The following NUP214 variants were observed in gnomAD, a reference collection of about 807,000 sequenced individuals.
The protein encoded by NUP214 is nucleoporin 214.
A neutral mutation model predicts 196.2 loss-of-function variants in NUP214; 79 were observed. The observed-to-expected ratio is 0.40, with a 90% CI of 0.34 to 0.49. NUP214 has a LOEUF of 0.49. Among genes scored for constraint, NUP214 ranks in the 20% least tolerant of loss-of-function variants. The pLI, the probability that NUP214 is intolerant of heterozygous loss-of-function variation, is 0.58. For missense variants in NUP214, 2,468 were observed against 2,539.0 expected, an observed-to-expected ratio of 0.97 and a Z score of 0.60; for synonymous variants, 1,020 against 990.5, an observed-to-expected ratio of 1.03 and a Z score of -0.56.
rs1254557169 is a variant in NUP214, at chr9:131,147,504, G to T, written c.1960G>T (p.Gly654Cys). 1 of 1,613,766 alleles carries T rather than the reference G, an allele frequency of 6.2e-7. No individual in the cohort carries two copies. Among genetic ancestry groups the T allele is most frequent in the East Asian group, 2.2e-5 (1 of 44,880 alleles). The change falls in exon 14 of 36, where the codon GGC (glycine) becomes TGC (cysteine). Residue 654 changes from glycine (G) to cysteine (C), a missense_variant. Gly to Cys is a radical substitution (Grantham distance 159, BLOSUM62 -3). This residue lies in a region of NUP214 where 1,801 missense variants were observed against 1,779.4 expected (regional missense o/e 1.01). Coordinates refer to ENST00000359428, the MANE Select transcript of NUP214 (RefSeq NM_005085.4). ...LPSPSGRSAQ[G>C]SSSPVPSMVQ... ...TTTTCAAGCAGGACGATCTGCTCAG[G>T]GCAGTTCAAGCCCAGTGCCCTCAAT...
intron 17 of NUP214, among the ~76,000 whole-genome samples, chr9:131,153,616 T>C (rs1031431110): frequency 6.6e-6 from 1 of 152,226 alleles, no homozygotes; most frequent in Non-Finnish European, 1.5e-5. Context: ...GAGACACTTA[T>C]TCAGGAGGGA....
intron 21 of NUP214, among the ~76,000 whole-genome samples, chr9:131,173,064 T>G (rs1280625175): frequency 6.6e-6 from 1 of 152,158 alleles, no homozygotes; most frequent in Non-Finnish European, 1.5e-5. Flanking sequence ...GGGTTTTTCT[T>G]GTTGTTATTT....
chr9:131,188,280 T>G (rs1174236129), intron 25 of NUP214, among the ~76,000 whole-genome samples: 1 of 152,242 alleles, frequency 6.6e-6, no homozygotes, highest in African/African-American at 2.4e-5. Context: ...TTTTGCCTGA[T>G]AAACATTGTC....
intron 9 of NUP214, among the ~76,000 whole-genome samples, chr9:131,137,140 C>G (rs1831753555): frequency 6.6e-6 from 1 of 152,176 alleles, no homozygotes; most frequent in African/African-American, 2.4e-5. Flanking sequence ...GTAATAATTT[C>G]TTATTAGTAC....
rs1345470009 is a variant in NUP214 at position 131,140,696 on chromosome 9, A to T, written c.1280A>T (p.Gln427Leu). 1.2e-6 allele frequency: 2 copies of T among 1,613,586 alleles called. No individual in the cohort carries two copies. The highest frequency in any genetic ancestry group is 2.2e-5 in the South Asian group (2 of 90,922). Residue 427 changes from glutamine to leucine, a missense_variant, in exon 11 of 36, where the codon CAG becomes CTG. Physicochemically the swap from Gln to Leu is moderately radical, Grantham distance 113. Transcript: ENST00000359428. ...CGACTTTCATTAGAAGGAGAGCGAC[A>T]GCCCAAGTCACCAGGTATGTGCCTC... ...PERLSLEGER[Q>L]PKSPGSTPTT...
intron 30 of NUP214, among the ~76,000 whole-genome samples, chr9:131,202,458 CTG>C (rs1012665722): frequency 1.3e-5 from 2 of 151,924 alleles, no homozygotes; most frequent in African/African-American, 2.4e-5. Flanking sequence ...GAGTCTAACT[CTG>C]TTGCCCAGGC....
rs1393157628 is a variant in NUP214 at position 131,132,827 on chromosome 9, G to A, written c.727+168G>A. On this transcript the variant is annotated intron_variant, in intron 6 of 35. Coordinates refer to ENST00000359428, the MANE Select transcript of NUP214 (RefSeq NM_005085.4). ...AGTCAGTGTAAATTATGGCCCTCTGGGTGACATCTGTGTTTCACGATAAAT... is the reference window on the plus strand; with the variant it reads ...AGTCAGTGTAAATTATGGCCCTCTGAGTGACATCTGTGTTTCACGATAAAT... 44 of 643,766 alleles carry A rather than the reference G, an allele frequency of 6.8e-5. No individual in the cohort carries two copies. The East Asian group carries it at 1.2e-3, about 18-fold the overall frequency. 39.9% of individuals were successfully genotyped at this position (643,766 alleles called of 1,614,324 possible). A position where few individuals can be genotyped will look rare whatever the true frequency, so the allele number is the denominator to read the frequency against.
chr9:131,206,557 A>C (rs774164178), intron 30 of NUP214, among the ~76,000 whole-genome samples: 5 of 151,306 alleles, frequency 3.3e-5, no homozygotes, highest in Non-Finnish European at 5.9e-5. Context: ...CAGTCCTCCT[A>C]TCAGTTCTCC....
At chr9:131,137,552 CTTTTTT>C (rs11338707) in intron 9 of NUP214, among the ~76,000 whole-genome samples, 1 of 88,714 alleles carries the variant, frequency 1.1e-5, no homozygotes. Flanking sequence ...CTGGTGGTAT[CTTTTTT>C]TTTTTTTTTT....
chr9:131,144,357 C>T lies in NUP214; in HGVS notation c.1372C>T (p.Leu458=), dbSNP rs541672068. The change falls in exon 12 of 36, where the codon CTG becomes TTG. Residue 458 remains leucine (L), a synonymous_variant. Coordinates refer to ENST00000359428, the MANE Select transcript of NUP214 (RefSeq NM_005085.4). ...TTCTGCAGCTGCAGCCCCTGCCTCT[C>T]TGCCACCTTCATCACCTGCTGCTCC... ...DASAAAAPAS[L]PPSSPAAPIA... 53 of 1,614,200 alleles carry T rather than the reference C, an allele frequency of 3.3e-5. No individual in the cohort carries two copies. In the South Asian group the frequency reaches 5.5e-4, roughly 17 times the overall value.
intron 33 of NUP214, 101 bp downstream of exon 33, chr9:131,228,432 G>A (rs953382216): frequency 8.5e-7 from 1 of 1,175,132 alleles, no homozygotes; most frequent in Admixed American, 3.2e-5. Context: ...ATGAGGTGAA[G>A]GCCCCTCCCT....
intron 5 of NUP214, among the ~76,000 whole-genome samples, chr9:131,131,103 G>A (rs1482584808): frequency 6.6e-6 from 1 of 151,834 alleles, no homozygotes; most frequent in African/African-American, 2.4e-5. Flanking sequence ...TTTTGTTGTT[G>A]TTTTTATGTA....
At position 131,125,812 on chromosome 9, in the gene NUP214, GA is replaced by G; in HGVS notation, c.45+66del. The G allele has an allele frequency of 6.5e-7, 1 of 1,528,256 alleles. No individual in the cohort carries two copies. 94.7% of individuals were successfully genotyped at this position (1,528,256 alleles called of 1,614,324 possible). On this transcript the variant is annotated intron_variant, in intron 1 of 35. Coordinates refer to ENST00000359428, the MANE Select transcript of NUP214 (RefSeq NM_005085.4). This position sits in a 1 kb window ranked among gnomAD's most constrained non-coding sequence, Gnocchi z 4.1. ...CCTGGCGTTGCCTTGGAGCCCAGCT[GA>G]AAGGCGAAGCGCGGTGCTGGCTGTC...
At chr9:131,210,391 A>T (rs537318795) in intron 30 of NUP214, among the ~76,000 whole-genome samples, 1 of 152,106 alleles carries the variant, frequency 6.6e-6, no homozygotes, top group Non-Finnish European at 1.5e-5. Flanking sequence ...GCACTTTGGG[A>T]GGCCAAGGCG....
Position 131,147,546 on chromosome 9 carries a change from A to G in NUP214, c.2002A>G (p.Arg668Gly). Residue 668 changes from arginine (R) to glycine (G), a missense_variant, in exon 14 of 36, where the codon AGG (arginine) becomes GGG (glycine). By Grantham distance (125) the Arg-to-Gly change is moderately radical. This residue lies in a region of NUP214 where 1,801 missense variants were observed against 1,779.4 expected (regional missense o/e 1.01). Transcript: ENST00000359428. ...GCCCTCAATGGTACAGAAATCACCC[A>G]GGATAACCCCTCCAGCGGCAAAGCC... ...PVPSMVQKSP[R>G]ITPPAAKPGS... The G allele has an allele frequency of 6.2e-7, 1 of 1,614,164 alleles. No individual in the cohort carries two copies. The highest frequency in any genetic ancestry group is 1.1e-5 in the South Asian group (1 of 91,086).
intron 27 of NUP214, among the ~76,000 whole-genome samples, chr9:131,193,702 A>AGC (rs1020826424): frequency 7.7e-5 from 9 of 116,860 alleles, no homozygotes; most frequent in Admixed American, 7.4e-4. Context: ...CCCTGGTTGG[A>AGC]GCGCAGTGGT....
At chr9:131,153,511 G>A (rs1168219757) in intron 17 of NUP214, among the ~76,000 whole-genome samples, 1 of 152,060 alleles carries the variant, frequency 6.6e-6, no homozygotes, top group African/African-American at 2.4e-5. Flanking sequence ...TCAAATTACA[G>A]GCATCCGCTC....
intron 5 of NUP214, among the ~76,000 whole-genome samples, chr9:131,132,315 T>C (rs1831581369): frequency 6.6e-6 from 1 of 152,010 alleles, no homozygotes; most frequent in Non-Finnish European, 1.5e-5. Flanking sequence ...GGTTTCGCCA[T>C]GTTGGCCAGG....
rs1831320423 is a variant in NUP214, at chr9:131,125,590, T to G, written c.-115T>G. ...ACCAAAGCGCGCCGGAAATGCGAGGTCAACTGCGCGCCGCTGGCGCTGAGG... is the reference window on the plus strand; with the variant it reads ...ACCAAAGCGCGCCGGAAATGCGAGGGCAACTGCGCGCCGCTGGCGCTGAGG... On this transcript the variant is annotated 5_prime_UTR_variant, in exon 1 of 36. Coordinates refer to ENST00000359428, the MANE Select transcript of NUP214 (RefSeq NM_005085.4). The surrounding 1 kb of genome is among the most constrained non-coding windows in gnomAD (Gnocchi z 4.1). The G allele has an allele frequency of 1.9e-6, 3 of 1,547,748 alleles. No homozygotes were observed. The highest frequency in any genetic ancestry group is 1.4e-5 in the African/African-American group (1 of 73,016).
Sources: gnomAD v4.1 joint callset for allele counts (sites outside exome capture counted in the v4.1 genomes callset) on GRCh38, gnomAD v4.1.1 for gene constraint, gnomAD v4.1.1 regional missense constraint, Gnocchi (gnomAD v3.1) non-coding constraint, MANE v1.5 for transcripts, NCBI Gene and HGNC (gene_info 2026-07-23, HGNC 2026-07-21) for gene names.